Variants in PPP2R3A observed in about 807,000 individuals in gnomAD.
PPP2R3A encodes protein phosphatase 2 regulatory subunit B''alpha.
A neutral mutation model predicts 106.9 loss-of-function variants in PPP2R3A; 80 were observed. The ratio of observed to expected loss-of-function variants is 0.75; its 90% CI spans 0.62 to 0.90. PPP2R3A has a LOEUF of 0.90. Ranked by LOEUF, PPP2R3A falls within the 40% of genes least tolerant of loss-of-function variation. The probability of loss-of-function intolerance (pLI) is 0.00; values close to 1 mark genes in which losing one functional copy is unlikely to be tolerated. For missense variants in PPP2R3A, 1,386 were observed against 1,350.4 expected (o/e 1.03, Z -0.41); for synonymous variants, 483 against 468.3 (o/e 1.03, Z -0.41).
rs955522859 is a variant in PPP2R3A at position 136,043,599 on chromosome 3, A to G, written c.2366+2637A>G. Among the ~76,000 whole-genome samples the G allele has an allele frequency of 2.0e-5, 3 of 152,142 alleles. No homozygotes were observed. The South Asian group carries it at 6.2e-4, about 32-fold the overall frequency. On this transcript the variant is annotated intron_variant, in intron 4 of 13. Transcript: ENST00000264977. ...GCCCATTTCATGTCTATACTCTGAC[A>G]TATATTCTTCTTATAGTCAGGACAT...
chr3:136,120,043 C>T (rs1457915415), intron 13 of PPP2R3A, among the ~76,000 whole-genome samples: 2 of 151,378 alleles, frequency 1.3e-5, no homozygotes, highest in African/African-American at 4.9e-5. Flanking sequence ...GATGAGTTCA[C>T]GTCCTTTGCA....
Position 135,967,180 on chromosome 3 carries a change from G to GA in PPP2R3A, c.-441+1338dup, listed in dbSNP as rs1408966339. On this transcript the variant is annotated intron_variant, in intron 1 of 13. Coordinates refer to ENST00000264977, the MANE Select transcript of PPP2R3A (RefSeq NM_002718.5). ...AACTTAATGGCATGAGATACTTGTG[G>GA]AAAAAAACTTAGATCTTTTATACAA... Among the ~76,000 whole-genome samples the GA allele has an allele frequency of 2.6e-5, 4 of 152,114 alleles. No individual in the cohort carries two copies. The East Asian group carries it at 7.7e-4, about 29-fold the overall frequency.
chr3:136,053,641 C>T (rs1313478270), intron 5 of PPP2R3A, among the ~76,000 whole-genome samples: 1 of 152,166 alleles, frequency 6.6e-6, no homozygotes, highest in Admixed American at 6.5e-5. Context: ...ACTAACAAGA[C>T]AATAAAGCAT....
At chr3:136,124,074 C>A (rs1938094274) in intron 13 of PPP2R3A, among the ~76,000 whole-genome samples, 1 of 152,020 alleles carries the variant, frequency 6.6e-6, no homozygotes, top group Non-Finnish European at 1.5e-5. Context: ...AATTAGAAAA[C>A]AGATCTGGGA....
intron 13 of PPP2R3A, among the ~76,000 whole-genome samples, chr3:136,110,149 G>A (rs1049402801): frequency 2.1e-4 from 32 of 152,090 alleles, no homozygotes; most frequent in African/African-American, 5.5e-4. Flanking sequence ...CAACCCCACC[G>A]CCCCTTCCTA....
intron 1 of PPP2R3A, among the ~76,000 whole-genome samples, chr3:135,999,290 T>G (rs956147802): frequency 1.3e-5 from 2 of 152,210 alleles, no homozygotes; most frequent in African/African-American, 4.8e-5. Context: ...TGAAACAGAC[T>G]GACAAGGTTA....
intron 5 of PPP2R3A, among the ~76,000 whole-genome samples, chr3:136,066,449 A>C (rs187844950): frequency 6.6e-6 from 1 of 152,206 alleles, no homozygotes; most frequent in Admixed American, 6.5e-5. Flanking sequence ...GATTGTTTTA[A>C]TATTAGGATA....
chr3:136,019,298 G>A (rs1934381711), intron 2 of PPP2R3A, among the ~76,000 whole-genome samples: 1 of 152,142 alleles, frequency 6.6e-6, no homozygotes, highest in Admixed American at 6.6e-5. Context: ...TCTTTCCATT[G>A]TAACTGCACA....
intron 2 of PPP2R3A, among the ~76,000 whole-genome samples, chr3:136,025,416 GC>G (rs1368818321): frequency 6.6e-6 from 1 of 151,972 alleles, no homozygotes; most frequent in African/African-American, 2.4e-5. Context: ...GTGACAACTG[GC>G]CTTCATATCC....
intron 2 of PPP2R3A, among the ~76,000 whole-genome samples, chr3:136,008,323 A>G (rs1313706720): frequency 1.3e-5 from 2 of 152,150 alleles, no homozygotes; most frequent in Non-Finnish European, 2.9e-5. Context: ...GTAGAAATCA[A>G]GACACTTAGC....
chr3:136,102,329 A>T, intron 11 of PPP2R3A, 147 bp downstream of exon 11: 1 of 575,750 alleles, frequency 1.7e-6, no homozygotes, highest in Non-Finnish European at 2.7e-6. Flanking sequence ...CTCCTTGACT[A>T]TTAGTGTAGC....
chr3:136,117,749 A>G (rs950474095), intron 13 of PPP2R3A, among the ~76,000 whole-genome samples: 4 of 152,204 alleles, frequency 2.6e-5, no homozygotes, highest in African/African-American at 7.2e-5. Flanking sequence ...CTACAAACCA[A>G]AAAATGTCCA....
At chr3:136,114,641 A>C (rs1445935832) in intron 13 of PPP2R3A, among the ~76,000 whole-genome samples, 1 of 152,128 alleles carries the variant, frequency 6.6e-6, no homozygotes, top group Non-Finnish European at 1.5e-5. Context: ...ATGTGGTTTT[A>C]CCCTCACAGT....
intron 1 of PPP2R3A, among the ~76,000 whole-genome samples, chr3:135,966,210 T>A (rs2107738438): frequency 6.6e-6 from 1 of 152,210 alleles, no homozygotes; most frequent in East Asian, 1.9e-4. Context: ...CGCACAGCCC[T>A]CGGGAACTTG....
At chr3:136,102,342 CTTTT>C (rs397874378) in intron 11 of PPP2R3A, among the ~76,000 whole-genome samples, 160 bp downstream of exon 11, 3 of 116,028 alleles carry the variant, frequency 2.6e-5, no homozygotes, top group Admixed American at 9.4e-5. Flanking sequence ...AGTGTAGCAA[CTTTT>C]TTTTTTTTTT....
intron 2 of PPP2R3A, among the ~76,000 whole-genome samples, chr3:136,011,722 C>T (rs568524917): frequency 6.6e-6 from 1 of 152,246 alleles, no homozygotes; most frequent in South Asian, 2.1e-4. Context: ...AGTCATCTCC[C>T]TTGAGATTGC....
intron 3 of PPP2R3A, among the ~76,000 whole-genome samples, chr3:136,040,280 C>G (rs1341859083): frequency 1.3e-5 from 2 of 152,180 alleles, no homozygotes; most frequent in African/African-American, 4.8e-5. Flanking sequence ...TGGCTCACGC[C>G]TGTAATCCCA....
At chr3:136,007,281 A>T (rs1315095250) in intron 2 of PPP2R3A, among the ~76,000 whole-genome samples, 3 of 152,214 alleles carry the variant, frequency 2.0e-5, no homozygotes, top group Non-Finnish European at 4.4e-5. Context: ...GAGTAAGTGG[A>T]TGAATAACCA....
chr3:136,102,376 T>G (rs560166429), intron 11 of PPP2R3A, among the ~76,000 whole-genome samples, 194 bp downstream of exon 11: 5 of 144,472 alleles, frequency 3.5e-5, no homozygotes, highest in African/African-American at 1.3e-4. Context: ...AGATGCAGTC[T>G]CGCTTTGTCT....
Sources: allele counts gnomAD v4.1 joint callset (sites outside exome capture counted in the v4.1 genomes callset), GRCh38; gene constraint gnomAD v4.1.1; transcripts MANE v1.5; gene names NCBI Gene and HGNC (gene_info 2026-07-23, HGNC 2026-07-21).